SPTBN5: variants seen among roughly 807,000 people sequenced by gnomAD.
SPTBN5 encodes the protein spectrin beta chain, non-erythrocytic 5.
SPTBN5 carries 513 observed loss-of-function variants against 477.6 expected under a neutral mutation model. The observed-to-expected ratio is 1.07, with a 90% CI of 1.00 to 1.16. The LOEUF is 1.16. Ranked by LOEUF, SPTBN5 falls within the 50% of genes most tolerant of loss-of-function variation. The pLI is 0.00. For synonymous variants in SPTBN5, 2,169 were observed against 2,011.7 expected (o/e 1.08, Z -2.09); for missense variants, 5,062 against 4,731.8 (o/e 1.07, Z -2.05).
At position 41,872,313 on chromosome 15, in the gene SPTBN5, C is replaced by T; in HGVS notation, c.5154G>A (p.Leu1718=). The change falls in exon 27 of 68, where the codon TTG becomes TTA. Residue 1718 remains leucine (L), a synonymous_variant. Coordinates refer to ENST00000320955, the MANE Select transcript of SPTBN5 (RefSeq NM_016642.4). Reference sequence around the variant, plus strand: ...TATGGTGTCCTCACCGTGTGGCCGCCAACTCCTGCAGTGCCCGCAGCTGCT... The same window carrying T: ...TATGGTGTCCTCACCGTGTGGCCGCTAACTCCTGCAGTGCCCGCAGCTGCT... ...LREQLRALQE[L]AATRDRELEG... is the part of the protein sequence containing the mutation. The T allele has an allele frequency of 1.2e-6, 2 of 1,610,664 alleles. No individual in the cohort carries two copies. The highest frequency in any genetic ancestry group is 2.2e-5 in the East Asian group (1 of 44,882).
chr15:41,887,520 G>T, intron 5 of SPTBN5, 79 bp from the exon 6 acceptor site: 1 of 1,096,070 alleles, frequency 9.1e-7, no homozygotes, highest in Non-Finnish European at 1.3e-6. Context: ...ATGCACTCAT[G>T]CTCCTATTGG....
In SPTBN5 at chr15:41,882,371, A is replaced by C; in HGVS notation, c.2145T>G (p.Asp715Glu). ...GAACGGCCTCTGCCCGTTCCCCGGG[A>C]TCCGGCTGCGTTGGGGGCCTGCGGG... is the stretch of plus-strand genomic sequence containing the variant. ...LSARRPPTQPDPGERAEAVQG... is the reference protein window; with the variant it reads ...LSARRPPTQPEPGERAEAVQG... Residue 715 changes from aspartate to glutamate, a missense_variant, in exon 11 of 68, where the codon GAT becomes GAG. Asp to Glu is a conservative substitution (Grantham distance 45). Transcript: ENST00000320955. 6.5e-7 allele frequency: 1 copy of C among 1,536,328 alleles called. No homozygotes were observed. The highest frequency in any genetic ancestry group is 1.2e-5 in the South Asian group (1 of 84,058).
Position 41,858,889 on chromosome 15 carries a change from C to A in SPTBN5, c.8079+1G>T. 6.3e-7 allele frequency: 1 copy of A among 1,582,432 alleles called. No individual in the cohort carries two copies. The highest frequency in any genetic ancestry group is 8.6e-7 in the Non-Finnish European group (1 of 1,161,606). On this transcript the variant is annotated splice_donor_variant, in intron 48 of 67. Coordinates refer to ENST00000320955, the MANE Select transcript of SPTBN5 (RefSeq NM_016642.4). LOFTEE classifies it high-confidence loss of function. The stretch of plus-strand genomic sequence containing the variant: ...CGCCTCCCTCTCCAAGCGAGGCGAA[C>A]CTCCTGGGAGTCCTGCAGGAAGGCC...
chr15:41,869,954 C>T lies in SPTBN5; in HGVS notation c.5740G>A (p.Val1914Met). 1.9e-6 allele frequency: 3 copies of T among 1,549,418 alleles called. No individual in the cohort carries two copies. Among genetic ancestry groups the T allele is most frequent in the South Asian group, 1.2e-5 (1 of 84,334 alleles). The change falls in exon 32 of 68, where the codon GTG (valine) becomes ATG (methionine). Residue 1914 changes from valine to methionine, a missense_variant. Val to Met is a conservative substitution (Grantham distance 21). Coordinates refer to ENST00000320955, the MANE Select transcript of SPTBN5 (RefSeq NM_016642.4). ...GTCACAGCTTGCTGCCTCTGCTGCACCGCATGGGCCTGAGGCCCCGGACAC... is the reference window on the plus strand; with the variant it reads ...GTCACAGCTTGCTGCCTCTGCTGCATCGCATGGGCCTGAGGCCCCGGACAC... ...KLCPGPQAHAVQQRQQAVTQA... is the reference protein window; with the variant it reads ...KLCPGPQAHAMQQRQQAVTQA...
intron 23 of SPTBN5, 42 bp from the exon 24 acceptor site, chr15:41,874,520 T>G: frequency 1.3e-6 from 2 of 1,496,946 alleles, no homozygotes; most frequent in Non-Finnish European, 1.8e-6. Context: ...GGGAACAGAG[T>G]GAGCACAAGG....
Position 41,885,884 on chromosome 15 carries a change from G to T in SPTBN5, c.1371C>A (p.Ala457=). 6.3e-7 allele frequency: 1 copy of T among 1,582,060 alleles called. No individual in the cohort carries two copies. The highest frequency in any genetic ancestry group is 2.3e-5 in the East Asian group (1 of 43,044). The change falls in exon 7 of 68, where the codon GCC becomes GCA. Residue 457 remains alanine, a synonymous_variant. Transcript: ENST00000320955. ...QVLDQARAPP[A]SLATVEAAVQ... is the part of the protein sequence containing the mutation. ...CGGCTGCCTCCACTGTGGCCAGGCT[G>T]GCTGGCGGGGCTCTGGCCTGGTCTA...
At position 41,893,025 on chromosome 15, in the gene SPTBN5, C is replaced by A; in HGVS notation, c.253G>T (p.Ala85Ser). Reference sequence around the variant, plus strand: ...AGCCGCAGGAGGTGGATGCCGTCAGCCAGCTCTGTGTACAGGTTCCGGATC... The same window carrying A: ...AGCCGCAGGAGGTGGATGCCGTCAGACAGCTCTGTGTACAGGTTCCGGATC... Reference protein sequence around the residue: ...IKIRNLYTELADGIHLLRLLE... With the variant: ...IKIRNLYTELSDGIHLLRLLE... Residue 85 changes from alanine to serine, a missense_variant, in exon 3 of 68, where the codon GCT (alanine) becomes TCT (serine). Ala to Ser is a moderately conservative substitution (Grantham distance 99). Transcript: ENST00000320955. 3 of 1,611,292 alleles carry A rather than the reference C, an allele frequency of 1.9e-6. No homozygotes were observed. Among genetic ancestry groups the A allele is most frequent in the Non-Finnish European group, 2.5e-6 (3 of 1,179,802 alleles).
At chr15:41,892,232 C>T (rs563654271) in intron 3 of SPTBN5, among the ~76,000 whole-genome samples, 1 of 152,310 alleles carries the variant, frequency 6.6e-6, no homozygotes, top group African/African-American at 2.4e-5. Flanking sequence ...TCACAGCCTC[C>T]AGGGACAGCC....
intron 36 of SPTBN5, 36 bp from the exon 37 acceptor site, chr15:41,866,529 G>A: frequency 6.7e-7 from 1 of 1,490,864 alleles, no homozygotes; most frequent in Non-Finnish European, 8.9e-7. Context: ...GCAATGTTCT[G>A]CAGCCTCAGG....
At chr15:41,860,851 C>T in intron 46 of SPTBN5, 93 bp from the exon 47 acceptor site, 1 of 1,267,748 alleles carries the variant, frequency 7.9e-7, no homozygotes, top group Non-Finnish European at 1.0e-6. Context: ...CTACCAAATG[C>T]TCATCCACAG....
At position 41,856,989 on chromosome 15, in the gene SPTBN5, G is replaced by T; in HGVS notation, c.8672C>A (p.Ala2891Asp). The T allele has an allele frequency of 6.2e-7, 1 of 1,603,440 alleles. No individual in the cohort carries two copies. Among genetic ancestry groups the T allele is most frequent in the Non-Finnish European group, 8.5e-7 (1 of 1,175,830 alleles). The change falls in exon 52 of 68, where the codon GCC (alanine) becomes GAC (aspartate). Residue 2891 changes from alanine (A) to aspartate (D), a missense_variant. Physicochemically the swap from Ala to Asp is moderately radical, Grantham distance 126. Coordinates refer to ENST00000320955, the MANE Select transcript of SPTBN5 (RefSeq NM_016642.4). ...GAAGAACTTCAAGAGGAGGCTCCGG[G>T]CCTCCAGGGCCGTCCTGCGCTCCTG... Reference protein sequence around the residue: ...PLQERRTALEARSLLLKFFRD... With the variant: ...PLQERRTALEDRSLLLKFFRD...
rs527715251 is a variant in SPTBN5, at chr15:41,872,496, G to T, written c.5008-37C>A. 5.2e-6 allele frequency: 8 copies of T among 1,535,002 alleles called. No homozygotes were observed. The South Asian group carries it at 9.6e-5, about 18-fold the overall frequency. The stretch of plus-strand genomic sequence containing the variant: ...GAGGACCCATGCCAGGCTCAGCCTG[G>T]GTGACTCATCCACCCACCTGTCCGT... On this transcript the variant is annotated intron_variant, in intron 26 of 67. Transcript: ENST00000320955.
chr15:41,850,465 G>C (rs2065715895), intron 66 of SPTBN5: 1 of 240,622 alleles, frequency 4.2e-6, no homozygotes, highest in Admixed American at 5.0e-5. Context: ...GACATTCAAA[G>C]TTGTCTGAGG....
chr15:41,874,673 TG>T (rs1376597622), intron 23 of SPTBN5, among the ~76,000 whole-genome samples, 168 bp downstream of exon 23: 1 of 152,178 alleles, frequency 6.6e-6, no homozygotes, highest in Admixed American at 6.5e-5. Context: ...GACTGCACTG[TG>T]GGGGTCCTGC....
At position 41,862,895 on chromosome 15, in the gene SPTBN5, C is replaced by G; in HGVS notation, c.7158G>C (p.Leu2386=). 1.3e-6 allele frequency: 2 copies of G among 1,577,124 alleles called. No homozygotes were observed. The highest frequency in any genetic ancestry group is 1.7e-6 in the Non-Finnish European group (2 of 1,162,162). The stretch of plus-strand genomic sequence containing the variant: ...CTTTCCCACAGTCCAGGGCCTGGAT[C>G]AGGGCTTCCTGGAGGAGGGGCACGG... ...VTKRIQEKEA[L]IQALDCGKDL... is the part of the protein sequence containing the mutation. The change falls in exon 42 of 68, where the codon CTG becomes CTC. Residue 2386 remains leucine, a synonymous_variant. Transcript: ENST00000320955.
At position 41,886,041 on chromosome 15, in the gene SPTBN5, C is replaced by A; in HGVS notation, c.1214G>T (p.Trp405Leu). ...ELSQCWAGLE[W>L]AEAARSQALQ... ...GGCCTGGCTCCTTGCAGCCTCTGCC[C>A]ACTCCAGCCCTGCCCAGCACTGGGA... Residue 405 changes from tryptophan to leucine, a missense_variant, in exon 7 of 68, where the codon TGG becomes TTG. Trp to Leu is a moderately conservative substitution (Grantham distance 61). Coordinates refer to ENST00000320955, the MANE Select transcript of SPTBN5 (RefSeq NM_016642.4). The A allele has an allele frequency of 6.4e-7, 1 of 1,570,422 alleles. No homozygotes were observed. Among genetic ancestry groups the A allele is most frequent in the South Asian group, 1.2e-5 (1 of 86,434 alleles).
intron 41 of SPTBN5, 60 bp downstream of exon 41, chr15:41,863,644 G>GC: frequency 7.4e-7 from 1 of 1,359,710 alleles, no homozygotes; most frequent in Non-Finnish European, 1.0e-6. Flanking sequence ...TCTAGGCAGT[G>GC]CCCCCTCCCC....
chr15:41,868,533 C>T lies in SPTBN5; in HGVS notation c.5922G>A (p.Glu1974=). 1 of 1,606,868 alleles carries T rather than the reference C, an allele frequency of 6.2e-7. No homozygotes were observed. Among genetic ancestry groups the T allele is most frequent in the Non-Finnish European group, 8.5e-7 (1 of 1,179,686 alleles). The part of the protein sequence containing the change: ...QDLQVEESSQ[E]PSSGPLKLSA... ...TGAGCTTCAGCGGGCCACTGCTAGG[C>T]TCTTGCGAACTCTCCTCCACCTGCA... Residue 1974 remains glutamate, a synonymous_variant, in exon 33 of 68, where the codon GAG becomes GAA. Transcript: ENST00000320955.
chr15:41,881,185 G>A lies in SPTBN5; in HGVS notation c.2507C>T (p.Pro836Leu). 1 of 1,612,886 alleles carries A rather than the reference G, an allele frequency of 6.2e-7. No homozygotes were observed. Among genetic ancestry groups the A allele is most frequent in the East Asian group, 2.2e-5 (1 of 44,876 alleles). Residue 836 changes from proline (P) to leucine (L), a missense_variant, in exon 13 of 68, where the codon CCC becomes CTC. Physicochemically the swap from Pro to Leu is moderately conservative, Grantham distance 98. Transcript: ENST00000320955. Reference protein sequence around the residue: ...PPGESLRNPGPWSEASCHPGP... With the variant: ...PPGESLRNPGLWSEASCHPGP... The stretch of plus-strand genomic sequence containing the variant: ...AGGGTGGCAGGAAGCCTCACTCCAG[G>A]GCCCTGGGTTCCTCAGGCTTTCTCC...
Sources: allele counts gnomAD v4.1 joint callset (sites outside exome capture counted in the v4.1 genomes callset), GRCh38; gene constraint gnomAD v4.1.1; transcripts MANE v1.5; gene names NCBI Gene and HGNC (gene_info 2026-07-23, HGNC 2026-07-21).